Variants in SLC36A1 observed in about 807,000 individuals in gnomAD.
SLC36A1 encodes proton-coupled amino acid transporter 1.
SLC36A1 carries 30 observed loss-of-function variants against 47.5 expected under a neutral mutation model. The ratio of observed to expected loss-of-function variants is 0.63; its 90% CI spans 0.47 to 0.86. SLC36A1 has a LOEUF of 0.86. Ranked by LOEUF, SLC36A1 falls within the 40% of genes least tolerant of loss-of-function variation. SLC36A1 has a pLI of 0.00. For synonymous variants in SLC36A1, 255 were observed against 249.7 expected (o/e 1.02, Z -0.20); for missense variants, 517 against 606.0 (o/e 0.85, Z 1.54).
At chr5:151,372,609 A>G in the SLC36A1 span, among the ~76,000 whole-genome samples, 1 of 151,826 alleles carries the variant, frequency 6.6e-6, no homozygotes, top group Admixed American at 6.6e-5. Context: ...ACGCCCATCT[A>G]TTTTCATATA....
chr5:151,450,648 C>T (rs1753516700), intron 1 of SLC36A1, among the ~76,000 whole-genome samples: 1 of 152,228 alleles, frequency 6.6e-6, no homozygotes, highest in African/African-American at 2.4e-5. Context: ...CTATTTATAA[C>T]CTTGTCTCAG....
At chr5:151,533,727 A>G in the SLC36A1 span, among the ~76,000 whole-genome samples, 2 of 152,080 alleles carry the variant, frequency 1.3e-5, no homozygotes, top group Admixed American at 6.6e-5. Context: ...ATACATATAT[A>G]TATACATACA....
chr5:151,424,703 G>T, the SLC36A1 span, among the ~76,000 whole-genome samples: 2 of 151,886 alleles, frequency 1.3e-5, no homozygotes, highest in Non-Finnish European at 2.9e-5. Context: ...AATAATAATA[G>T]AAACCATTTG....
the SLC36A1 span, among the ~76,000 whole-genome samples, chr5:151,408,252 G>A: frequency 0.32 from 49,213 of 151,980 alleles, 9,815 homozygotes; most frequent in African/African-American, 0.56. Context: ...GCAGTGGTGC[G>A]ATCTTGACTC....
chr5:151,468,218 C>T (rs1756746041), intron 7 of SLC36A1, among the ~76,000 whole-genome samples: 1 of 127,906 alleles, frequency 7.8e-6, no homozygotes, highest in Non-Finnish European at 1.6e-5. Context: ...TGCTACTGCA[C>T]TCCGACCTGG....
chr5:151,398,679 A>G, the SLC36A1 span, among the ~76,000 whole-genome samples: 1 of 152,334 alleles, frequency 6.6e-6, no homozygotes, highest in Non-Finnish European at 1.5e-5. Flanking sequence ...AGTCTTGTTA[A>G]AAGAGAACTA....
chr5:151,503,147 G>A, the SLC36A1 span, among the ~76,000 whole-genome samples: 1 of 147,952 alleles, frequency 6.8e-6, no homozygotes. Context: ...AGCCTGTAAT[G>A]CTGGATACAT....
At chr5:151,384,712 C>T in the SLC36A1 span, among the ~76,000 whole-genome samples, 1 of 152,176 alleles carries the variant, frequency 6.6e-6, no homozygotes, top group Non-Finnish European at 1.5e-5. Flanking sequence ...CGGGCACTCA[C>T]TATACTCTTC....
the SLC36A1 span, chr5:151,551,448 C>A: frequency 6.2e-7 from 1 of 1,612,764 alleles, no homozygotes; most frequent in East Asian, 2.2e-5. Context: ...TACAGGGGTC[C>A]CCAGCCGAGG....
At chr5:151,368,008 C>A in the SLC36A1 span, among the ~76,000 whole-genome samples, 1 of 152,218 alleles carries the variant, frequency 6.6e-6, no homozygotes, top group South Asian at 2.1e-4. Flanking sequence ...GTTATGTACA[C>A]ATCCAGATGG....
chr5:151,399,008 T>G, the SLC36A1 span, among the ~76,000 whole-genome samples: 1 of 150,218 alleles, frequency 6.7e-6, no homozygotes, highest in African/African-American at 2.4e-5. Flanking sequence ...TATATTCTCC[T>G]TCTCGCTCTG....
chr5:151,344,781 C>G, the SLC36A1 span, among the ~76,000 whole-genome samples: 1 of 152,220 alleles, frequency 6.6e-6, no homozygotes, highest in South Asian at 2.1e-4. Flanking sequence ...AATGAAGGCT[C>G]AGAGAGGGGC....
the SLC36A1 span, among the ~76,000 whole-genome samples, chr5:151,386,677 A>G: frequency 1.2e-3 from 177 of 152,260 alleles, 1 homozygote; most frequent in Admixed American, 0.011. Flanking sequence ...CTCTCTCCAT[A>G]GAATTTGCGT....
the SLC36A1 span, among the ~76,000 whole-genome samples, chr5:151,424,491 G>C: frequency 2.0e-5 from 3 of 152,330 alleles, no homozygotes; most frequent in East Asian, 5.8e-4. Context: ...TGACAGTCTA[G>C]AGACATGTAT....
At chr5:151,476,863 A>T (rs1758130003) in intron 9 of SLC36A1, 107 bp downstream of exon 9, 1 of 1,354,866 alleles carries the variant, frequency 7.4e-7, no homozygotes, top group Non-Finnish European at 1.0e-6. Flanking sequence ...AGCCCACTTC[A>T]CTCTAGCCCA....
At chr5:151,545,777 GGTT>G in the SLC36A1 span, 3 of 1,614,138 alleles carry the variant, frequency 1.9e-6, no homozygotes, top group South Asian at 2.2e-5. Context: ...ATCACAAAGG[GGTT>G]GTTGTTTTTA....
chr5:151,431,064 G>A, the SLC36A1 span, among the ~76,000 whole-genome samples: 28 of 152,112 alleles, frequency 1.8e-4, no homozygotes, highest in African/African-American at 5.3e-4. Flanking sequence ...GAATGAATGC[G>A]CCTCTAAGGA....
the SLC36A1 span, among the ~76,000 whole-genome samples, chr5:151,350,087 T>C: frequency 6.6e-6 from 1 of 152,002 alleles, no homozygotes; most frequent in Admixed American, 6.6e-5. Flanking sequence ...ATGAAACCCC[T>C]ACCTGGATGA....
chr5:151,357,880 C>G, the SLC36A1 span, among the ~76,000 whole-genome samples: 1 of 152,102 alleles, frequency 6.6e-6, no homozygotes, highest in African/African-American at 2.4e-5. Flanking sequence ...AAAAGAAAAC[C>G]TATAGACAGA....
Sources: gnomAD v4.1 joint callset for allele counts (sites outside exome capture counted in the v4.1 genomes callset) on GRCh38, gnomAD v4.1.1 for gene constraint, MANE v1.5 for transcripts, NCBI Gene and HGNC (gene_info 2026-07-23, HGNC 2026-07-21) for gene names.